MYO16: variants seen among roughly 807,000 people sequenced by gnomAD.
MYO16 encodes myosin XVI.
In MYO16, 94 loss-of-function variants were observed where a neutral mutation model predicts 205.3. The ratio of observed to expected loss-of-function variants is 0.46; its 90% CI spans 0.39 to 0.54. The LOEUF (loss-of-function observed/expected upper bound fraction) is 0.54. Ranked by LOEUF, MYO16 falls within the 20% of genes least tolerant of loss-of-function variation. MYO16 has a pLI of 0.00. For missense variants in MYO16, 2,315 were observed against 2,387.5 expected (o/e 0.97, Z 0.63); for synonymous variants, 988 against 954.0 (o/e 1.04, Z -0.66).
In MYO16 at chr13:108,823,283, G is replaced by A; in HGVS notation, c.1097+5G>A. 2 of 1,599,022 alleles carry A rather than the reference G, an allele frequency of 1.3e-6. No individual in the cohort carries two copies. The highest frequency in any genetic ancestry group is 1.7e-6 in the Non-Finnish European group (2 of 1,172,470). On this transcript the variant is annotated splice_donor_5th_base_variant and intron_variant, in intron 9 of 34. Transcript: ENST00000457511. ...TCCCGTACTGTCGAGTAAGCTGTAA[G>A]TGTCTTCCTGCTTATTCTCTTTTGC...
chr13:108,657,936 C>T (rs1881318512), intron 1 of MYO16, among the ~76,000 whole-genome samples: 1 of 152,026 alleles, frequency 6.6e-6, no homozygotes, highest in Non-Finnish European at 1.5e-5. Flanking sequence ...AATAAGCCAC[C>T]CTTTCATTCT....
intron 1 of MYO16, among the ~76,000 whole-genome samples, chr13:108,634,594 C>T (rs1880141696): frequency 1.3e-5 from 2 of 152,200 alleles, no homozygotes. Context: ...CTTGTCTCCT[C>T]TTCCATGACT....
At chr13:108,802,120 A>C (rs939418575) in intron 6 of MYO16, among the ~76,000 whole-genome samples, 9 of 152,122 alleles carry the variant, frequency 5.9e-5, no homozygotes, top group Admixed American at 2.0e-4. Context: ...ATTCTTTGTT[A>C]TTTTAACATG....
At chr13:108,751,347 AT>A (rs1390493934) in intron 4 of MYO16, among the ~76,000 whole-genome samples, 1 of 152,184 alleles carries the variant, frequency 6.6e-6, no homozygotes, top group Admixed American at 6.5e-5. Flanking sequence ...TTCAGAGCCA[AT>A]TGAAAGACCA....
intron 23 of MYO16, among the ~76,000 whole-genome samples, chr13:109,026,292 G>A (rs1418322894): frequency 1.3e-5 from 2 of 152,116 alleles, no homozygotes; most frequent in African/African-American, 2.4e-5. Flanking sequence ...GCTTATCTGG[G>A]TGGTCTCTAC....
At chr13:109,022,322 CAAATATATATTTAT>C (rs1886071050) in intron 23 of MYO16, among the ~76,000 whole-genome samples, 2 of 114,218 alleles carry the variant, frequency 1.8e-5, no homozygotes, top group Non-Finnish European at 3.3e-5. Context: ...ATATTATATA[CAAATATATATTTAT>C]ATATTATATA....
the MYO16 span, among the ~76,000 whole-genome samples, chr13:108,530,654 C>A: frequency 2.0e-5 from 3 of 151,988 alleles, no homozygotes; most frequent in Non-Finnish European, 4.4e-5. Context: ...TAGCTAAGTG[C>A]CTAGCTTATG....
chr13:108,953,298 C>G (rs1883224322), intron 16 of MYO16, among the ~76,000 whole-genome samples: 1 of 152,136 alleles, frequency 6.6e-6, no homozygotes, highest in South Asian at 2.1e-4. Flanking sequence ...GTTTATTTTA[C>G]TCGGCACAGT....
chr13:108,864,159 T>C (rs1313838726), intron 11 of MYO16, among the ~76,000 whole-genome samples: 2 of 152,268 alleles, frequency 1.3e-5, no homozygotes, highest in South Asian at 2.1e-4. Flanking sequence ...TGCTTTGATA[T>C]TATTTCATTC....
At chr13:109,046,744 A>T (rs1887057439) in intron 23 of MYO16, among the ~76,000 whole-genome samples, 172 bp from the exon 24 acceptor site, 1 of 152,226 alleles carries the variant, frequency 6.6e-6, no homozygotes, top group Non-Finnish European at 1.5e-5. Flanking sequence ...GTACAGAATG[A>T]GAACAGGCAG....
chr13:109,176,685 G>A (rs1879207661), intron 33 of MYO16, among the ~76,000 whole-genome samples: 1 of 150,132 alleles, frequency 6.7e-6, no homozygotes. Context: ...GCCGTGATGA[G>A]GACCCTTGGC....
rs184863116 is a variant in MYO16 at position 108,852,268 on chromosome 13, T to G, written c.1249-3175T>G. Among the ~76,000 whole-genome samples, 376 of 152,312 alleles carry G rather than the reference T, an allele frequency of 2.5e-3. 1 individual carries two copies. The highest frequency in any genetic ancestry group is 8.5e-3 in the African/African-American group (353 of 41,570). ...GAAGTCACAAACATCATTCCTTTTT[T>G]CCTCTTTGTGCTAAACCTCTAGCAC... On this transcript the variant is annotated intron_variant, in intron 10 of 34. Coordinates refer to ENST00000457511, the MANE Select transcript of MYO16 (RefSeq NM_001198950.3).
intron 10 of MYO16, among the ~76,000 whole-genome samples, chr13:108,846,557 TATTG>T (rs1466754732): frequency 4.6e-5 from 7 of 151,958 alleles, no homozygotes; most frequent in Non-Finnish European, 1.0e-4. Flanking sequence ...ATAATTTGTT[TATTG>T]ATTAAAATAT....
chr13:108,982,932 C>T (rs564988646), intron 20 of MYO16, among the ~76,000 whole-genome samples: 12 of 152,114 alleles, frequency 7.9e-5, no homozygotes, highest in South Asian at 2.1e-4. Flanking sequence ...TCCAAGACAC[C>T]GTCAGTTTTC....
At chr13:109,197,895 A>G (rs1236286246) in intron 34 of MYO16, among the ~76,000 whole-genome samples, 1 of 152,192 alleles carries the variant, frequency 6.6e-6, no homozygotes, top group Non-Finnish European at 1.5e-5. Context: ...AGCTGAAATG[A>G]CATGACTGTT....
chr13:108,788,191 G>A (rs1205145626), intron 5 of MYO16, among the ~76,000 whole-genome samples: 1 of 152,126 alleles, frequency 6.6e-6, no homozygotes, highest in Non-Finnish European at 1.5e-5. Flanking sequence ...GGCAGAAGAG[G>A]CTGCAACGTC....
chr13:108,682,484 G>C (rs1255147355), intron 2 of MYO16, among the ~76,000 whole-genome samples: 2 of 151,900 alleles, frequency 1.3e-5, no homozygotes, highest in East Asian at 3.9e-4. Context: ...GGGCACACAG[G>C]CTCAAGCCAC....
intron 1 of MYO16, among the ~76,000 whole-genome samples, chr13:108,623,525 C>CA (rs1382522194): frequency 1.3e-5 from 2 of 152,168 alleles, no homozygotes; most frequent in Non-Finnish European, 2.9e-5. Context: ...AATATACACT[C>CA]AGTCTACTTG....
intron 34 of MYO16, among the ~76,000 whole-genome samples, chr13:109,183,005 C>G (rs867350123): frequency 1.4e-3 from 218 of 152,244 alleles, no homozygotes; most frequent in African/African-American, 4.8e-3. Context: ...CACACACTGG[C>G]CCTTGAGGGA....
Sources: allele counts gnomAD v4.1 joint callset (sites outside exome capture counted in the v4.1 genomes callset), GRCh38; gene constraint gnomAD v4.1.1; transcripts MANE v1.5; gene names NCBI Gene and HGNC (gene_info 2026-07-23, HGNC 2026-07-21).